The following PTCHD4 variants were observed in gnomAD, a reference collection of about 807,000 sequenced individuals.
PTCHD4 encodes the protein patched domain-containing protein 4.
Under a neutral mutation model 58.1 loss-of-function variants are expected in PTCHD4, and 33 were observed. The ratio of observed to expected loss-of-function variants is 0.57; its 90% CI spans 0.43 to 0.76. The LOEUF is 0.76. Ranked by LOEUF, PTCHD4 falls within the 30% of genes least tolerant of loss-of-function variation. The probability of loss-of-function intolerance (pLI) is 0.00; values close to 1 mark genes in which losing one functional copy is unlikely to be tolerated. For missense variants in PTCHD4, 1,058 were observed against 1,027.1 expected (o/e 1.03, Z -0.41); for synonymous variants, 478 against 409.6 (o/e 1.17, Z -2.02).
At chr6:47,979,009 A>G (rs899856823) in intron 4 of PTCHD4, among the ~76,000 whole-genome samples, 1 of 152,280 alleles carries the variant, frequency 6.6e-6, no homozygotes, top group East Asian at 1.9e-4. Flanking sequence ...GTTCATAGAC[A>G]TAAAAAAAAC....
intron 4 of PTCHD4, among the ~76,000 whole-genome samples, chr6:47,940,264 G>A (rs1029872630): frequency 6.6e-6 from 1 of 151,270 alleles, no homozygotes; most frequent in Non-Finnish European, 1.5e-5. Flanking sequence ...TAACTAGCCT[G>A]TACATTGAGT....
At chr6:47,956,643 C>G (rs562717096) in intron 4 of PTCHD4, among the ~76,000 whole-genome samples, 10 of 152,142 alleles carry the variant, frequency 6.6e-5, no homozygotes, top group Admixed American at 2.0e-4. Context: ...CCGTGTTAGT[C>G]AAGATGGTAT....
intron 1 of PTCHD4, among the ~76,000 whole-genome samples, chr6:48,084,896 A>G (rs969358617): frequency 1.3e-5 from 2 of 151,758 alleles, no homozygotes; most frequent in African/African-American, 4.8e-5. Context: ...GGTGCACGCC[A>G]CCACACCTGA....
chr6:47,961,787 C>G (rs994437929), intron 4 of PTCHD4, among the ~76,000 whole-genome samples: 1 of 152,116 alleles, frequency 6.6e-6, no homozygotes, highest in Non-Finnish European at 1.5e-5. Context: ...GAGAAATTTA[C>G]TGCACTAAAC....
In PTCHD4 at chr6:48,069,822, C is replaced by T. The variant is rs1481269414; in HGVS notation, c.-865G>A. ...TCCCCTTTTCCAGTGTCTCCTTCCA[C>T]CCCTCACCCATGAGGACTGTTTCAA... On this transcript the variant is annotated 5_prime_UTR_variant, in exon 2 of 5. The change creates a new upstream start codon in the 5' untranslated region. Coordinates refer to ENST00000339488, the MANE Select transcript of PTCHD4 (RefSeq NM_001384253.1). 1.3e-5 allele frequency among the ~76,000 whole-genome samples: 2 copies of T among 152,196 alleles called. No homozygotes were observed. Among genetic ancestry groups the T allele is most frequent in the African/African-American group, 4.8e-5 (2 of 41,458 alleles).
At chr6:47,963,492 C>A (rs1767175341) in intron 4 of PTCHD4, among the ~76,000 whole-genome samples, 1 of 152,012 alleles carries the variant, frequency 6.6e-6, no homozygotes, top group Admixed American at 6.6e-5. Context: ...AGTACATATC[C>A]AAAGGAAATG....
In PTCHD4 at chr6:47,876,010, T is replaced by C. The variant is rs537934250; in HGVS notation, c.*2293A>G. Among the ~76,000 whole-genome samples the C allele has an allele frequency of 6.6e-6, 1 of 151,862 alleles. No individual in the cohort carries two copies. The highest frequency in any genetic ancestry group is 1.5e-5 in the Non-Finnish European group (1 of 67,858). On this transcript the variant is annotated 3_prime_UTR_variant, in exon 5 of 5. Transcript: ENST00000339488. ...TGATATGGGAGATAAAAATCTTCCA[T>C]ATCAAATCTTTACAAATGATGGGTA... is the stretch of plus-strand genomic sequence containing the variant.
At chr6:47,967,379 G>A (rs747160109) in intron 4 of PTCHD4, among the ~76,000 whole-genome samples, 5 of 152,176 alleles carry the variant, frequency 3.3e-5, no homozygotes, top group African/African-American at 4.8e-5. Context: ...CCTTTATAGA[G>A]CATGGGCAGA....
chr6:47,933,789 A>G (rs1052151408), intron 4 of PTCHD4, among the ~76,000 whole-genome samples: 2 of 152,228 alleles, frequency 1.3e-5, no homozygotes, highest in South Asian at 4.1e-4. Context: ...AAATAAGGAC[A>G]GCTTCTTTCT....
At chr6:47,946,562 C>T (rs1766425558) in intron 4 of PTCHD4, among the ~76,000 whole-genome samples, 2 of 151,968 alleles carry the variant, frequency 1.3e-5, no homozygotes, top group Admixed American at 1.3e-4. Context: ...TTACATTCAT[C>T]CTTTGTCTAT....
At chr6:47,899,201 T>C (rs1024594430) in intron 4 of PTCHD4, among the ~76,000 whole-genome samples, 2 of 152,242 alleles carry the variant, frequency 1.3e-5, no homozygotes, top group African/African-American at 4.8e-5. Context: ...CATAGTTAGA[T>C]ATTTCTTAGT....
intron 1 of PTCHD4, among the ~76,000 whole-genome samples, chr6:48,105,510 A>G (rs1369114431): frequency 6.6e-6 from 1 of 152,238 alleles, no homozygotes; most frequent in African/African-American, 2.4e-5. Context: ...AAGATCTAAA[A>G]TTGACACCCT....
At chr6:47,943,113 T>A (rs934794905) in intron 4 of PTCHD4, among the ~76,000 whole-genome samples, 4 of 152,180 alleles carry the variant, frequency 2.6e-5, no homozygotes, top group Non-Finnish European at 5.9e-5. Flanking sequence ...CCCAATTTCC[T>A]AATCCCATTC....
intron 4 of PTCHD4, among the ~76,000 whole-genome samples, chr6:47,933,347 G>A (rs564183953): frequency 6.6e-6 from 1 of 152,350 alleles, no homozygotes; most frequent in Non-Finnish European, 1.5e-5. Flanking sequence ...AGATTCTCCT[G>A]TGAGAGAATT....
chr6:48,001,330 G>T (rs1218128262), intron 4 of PTCHD4, among the ~76,000 whole-genome samples: 3 of 152,152 alleles, frequency 2.0e-5, no homozygotes, highest in Non-Finnish European at 4.4e-5. Context: ...CGAAGCTGGA[G>T]GCATCATGCT....
chr6:47,875,743 T>C lies in PTCHD4; in HGVS notation c.*2560A>G, dbSNP rs962862391. ...TGGAGACATAATATTAGATCTGCCC[T>C]GGTCATTTGGCAGTGTATACCATTT... On this transcript the variant is annotated 3_prime_UTR_variant, in exon 5 of 5. Transcript: ENST00000339488. 1.3e-5 allele frequency among the ~76,000 whole-genome samples: 2 copies of C among 151,814 alleles called. No homozygotes were observed. The highest frequency in any genetic ancestry group is 6.6e-5 in the Admixed American group (1 of 15,202).
intron 4 of PTCHD4, among the ~76,000 whole-genome samples, chr6:47,920,835 C>T (rs940240405): frequency 4.0e-5 from 6 of 151,898 alleles, no homozygotes; most frequent in African/African-American, 9.7e-5. Flanking sequence ...GCCACCCAAG[C>T]GTTAAAGAAA....
intron 3 of PTCHD4, among the ~76,000 whole-genome samples, chr6:48,012,253 G>T (rs1246077645): frequency 6.6e-6 from 1 of 152,144 alleles, no homozygotes; most frequent in Non-Finnish European, 1.5e-5. Flanking sequence ...TCCTCGAGTG[G>T]TGGTTTGTAG....
At chr6:47,920,840 A>G (rs1765408617) in intron 4 of PTCHD4, among the ~76,000 whole-genome samples, 1 of 152,178 alleles carries the variant, frequency 6.6e-6, no homozygotes, top group African/African-American at 2.4e-5. Context: ...CCAAGCGTTA[A>G]AGAAAAGGAT....
Sources: gnomAD v4.1 joint callset for allele counts (sites outside exome capture counted in the v4.1 genomes callset) on GRCh38, gnomAD v4.1.1 for gene constraint, MANE v1.5 for transcripts, NCBI Gene and HGNC (gene_info 2026-07-23, HGNC 2026-07-21) for gene names.